The following ASXL2 variants were observed in gnomAD, a reference collection of about 807,000 sequenced individuals.
The protein encoded by ASXL2 is putative Polycomb group protein ASXL2.
Under a neutral mutation model 122.0 loss-of-function variants are expected in ASXL2, and 23 were observed. That is an observed-to-expected ratio of 0.19 (90% confidence interval 0.14 to 0.27). The LOEUF is 0.27. Among genes scored for constraint, ASXL2 ranks in the 10% least tolerant of loss-of-function variants. The pLI, the probability that ASXL2 is intolerant of heterozygous loss-of-function variation, is 1.00. For synonymous variants in ASXL2, 650 were observed against 637.0 expected (o/e 1.02, Z -0.31); for missense variants, 1,518 against 1,713.8 (o/e 0.89, Z 2.02).
intron 6 of ASXL2, among the ~76,000 whole-genome samples, chr2:25,770,299 C>T (rs1182492607): frequency 6.6e-6 from 1 of 152,050 alleles, no homozygotes; most frequent in African/African-American, 2.4e-5. Context: ...ATCTCCACGT[C>T]CTGGGTTCAA....
At chr2:25,849,064 C>CATATAGATAT (rs1553705441) in intron 1 of ASXL2, among the ~76,000 whole-genome samples, 2 of 86,502 alleles carry the variant, frequency 2.3e-5, no homozygotes, top group South Asian at 6.5e-4. Flanking sequence ...AAAAAATTTA[C>CATATAGATAT]ATATATATAT....
chr2:25,878,257 C>T lies in ASXL2; in HGVS notation c.-35G>A. 1 of 1,611,754 alleles carries T rather than the reference C, an allele frequency of 6.2e-7. No individual in the cohort carries two copies. Among genetic ancestry groups the T allele is most frequent in the Non-Finnish European group, 8.5e-7 (1 of 1,178,332 alleles). ...TGAACTGACTGGGAGGCTCCCGTGT[C>T]CGGGCTCCGGCCGCCCTCCCTGCCT... is the stretch of plus-strand genomic sequence containing the variant. On this transcript the variant is annotated 5_prime_UTR_variant, in exon 1 of 13. Coordinates refer to ENST00000435504, the MANE Select transcript of ASXL2 (RefSeq NM_018263.6).
At chr2:25,822,064 T>C (rs1018262793) in intron 3 of ASXL2, among the ~76,000 whole-genome samples, 3 of 152,208 alleles carry the variant, frequency 2.0e-5, no homozygotes, top group Admixed American at 1.3e-4. Flanking sequence ...TCAACATTAA[T>C]ACTAAAAATT....
chr2:25,844,575 C>T (rs78027443), intron 2 of ASXL2, among the ~76,000 whole-genome samples: 76 of 119,170 alleles, frequency 6.4e-4, no homozygotes, highest in Non-Finnish European at 9.1e-4. Context: ...GACTCCGTCT[C>T]AAAAAAAAAA....
intron 5 of ASXL2, among the ~76,000 whole-genome samples, chr2:25,779,769 A>G (rs1168056979): frequency 6.6e-6 from 1 of 152,166 alleles, no homozygotes; most frequent in Non-Finnish European, 1.5e-5. Context: ...CCTTAACTAT[A>G]TTACTCTATA....
chr2:25,830,974 A>G (rs12713680), intron 3 of ASXL2: 41,706 of 152,144 alleles, frequency 0.27, 6,025 homozygotes, highest in African/African-American at 0.31. Context: ...TTCAACATTC[A>G]TATCATCAGC....
At chr2:25,810,965 G>T (rs2089160060) in intron 3 of ASXL2, among the ~76,000 whole-genome samples, 1 of 151,902 alleles carries the variant, frequency 6.6e-6, no homozygotes, top group South Asian at 2.1e-4. Context: ...TGTGGCTCAT[G>T]CCTGTAATCC....
At position 25,786,245 on chromosome 2, in the gene ASXL2, T is replaced by TTTC. The variant is rs749802258; in HGVS notation, c.403+13139_403+13140insGAA. On this transcript the variant is annotated intron_variant, in intron 5 of 12. Transcript: ENST00000435504. The stretch of plus-strand genomic sequence containing the variant: ...ACAACCTACTACTCCACATCATTCT[T>TTTC]TTTTTTTTTTTTTTGAGATGGAGTC... 1.5e-3 allele frequency among the ~76,000 whole-genome samples: 75 copies of TTTC among 51,496 alleles called. 2 individuals are homozygous for TTTC. Among genetic ancestry groups the TTTC allele is most frequent in the Non-Finnish European group, 4.3e-3 (66 of 15,474 alleles). 33.8% of individuals were successfully genotyped at this position (51,496 alleles called of 152,430 possible).
intron 1 of ASXL2, among the ~76,000 whole-genome samples, chr2:25,845,904 A>G (rs894876746): frequency 3.9e-5 from 6 of 152,222 alleles, no homozygotes; most frequent in Non-Finnish European, 7.3e-5. Context: ...CATAGTAGGC[A>G]AAGTCCATTC....
intron 7 of ASXL2, 150 bp from the exon 8 acceptor site, chr2:25,767,876 G>C: frequency 2.2e-6 from 2 of 919,828 alleles, no homozygotes; most frequent in Non-Finnish European, 3.2e-6. Flanking sequence ...TAAAGTCAAA[G>C]AGTAAAATAA....
At chr2:25,833,196 G>A (rs1366542769) in intron 3 of ASXL2, among the ~76,000 whole-genome samples, 2 of 152,084 alleles carry the variant, frequency 1.3e-5, no homozygotes, top group African/African-American at 4.8e-5. Context: ...AAAACCAGGT[G>A]GATTATATCA....
chr2:25,764,988 G>T (rs1242670504), intron 8 of ASXL2, among the ~76,000 whole-genome samples: 1 of 152,044 alleles, frequency 6.6e-6, no homozygotes, highest in Non-Finnish European at 1.5e-5. Flanking sequence ...TTCAATTTAG[G>T]TTGACTTAAT....
At position 25,749,827 on chromosome 2, in the gene ASXL2, C is replaced by A. The variant is rs986611894; in HGVS notation, c.1729G>T (p.Ala577Ser). Reference protein sequence around the residue: ...KRKSSLTQEEAPVSWEKRPRV... With the variant: ...KRKSSLTQEESPVSWEKRPRV... ...GGCCTCTTCTCCCAGCTCACAGGGGCCTCTTCTTGGGTGAGGGAAGACTTC... is the reference window on the plus strand; with the variant it reads ...GGCCTCTTCTCCCAGCTCACAGGGGACTCTTCTTGGGTGAGGGAAGACTTC... Residue 577 changes from alanine to serine, a missense_variant, in exon 12 of 13, where the codon GCC becomes TCC. By Grantham distance (99) the Ala-to-Ser change is moderately conservative. Transcript: ENST00000435504. 3.7e-6 allele frequency: 6 copies of A among 1,610,364 alleles called. No homozygotes were observed. The highest frequency in any genetic ancestry group is 1.7e-4 in the Middle Eastern group (1 of 6,038).
chr2:25,872,773 T>A, intron 1 of ASXL2, among the ~76,000 whole-genome samples: 1 of 152,152 alleles, frequency 6.6e-6, no homozygotes, highest in East Asian at 1.9e-4. Context: ...AAATTGACCC[T>A]AGTAGAGAGA....
At chr2:25,769,579 T>C in intron 6 of ASXL2, among the ~76,000 whole-genome samples, 1 of 151,688 alleles carries the variant, frequency 6.6e-6, no homozygotes, top group Admixed American at 6.6e-5. Flanking sequence ...GATAATGCTA[T>C]TTAAAATGAA....
chr2:25,860,542 G>GT (rs2089830788), intron 1 of ASXL2, among the ~76,000 whole-genome samples: 1 of 150,112 alleles, frequency 6.7e-6, no homozygotes, highest in African/African-American at 2.5e-5. Context: ...GTGAAACCCC[G>GT]TACCTACTAA....
rs144717572 is a variant in ASXL2, at chr2:25,743,455, T to C, written c.2882A>G (p.Asp961Gly). 6.2e-7 allele frequency: 1 copy of C among 1,613,780 alleles called. No individual in the cohort carries two copies. The highest frequency in any genetic ancestry group is 2.2e-5 in the East Asian group (1 of 44,886). ...PLVTQLLQGKDVPMEQILPKP... is the reference protein window; with the variant it reads ...PLVTQLLQGKGVPMEQILPKP... ...AGGCAGAATTTGCTCCATGGGAACA[T>C]CTTTGCCTTGAAGCAGCTGAGTCAC... Residue 961 changes from aspartate (D) to glycine (G), a missense_variant, in exon 13 of 13, where the codon GAT becomes GGT. Asp to Gly is a moderately conservative substitution (Grantham distance 94). This residue lies in a region of ASXL2 where 831 missense variants were observed against 833.1 expected (regional missense o/e 1.00). Transcript: ENST00000435504.
In ASXL2 at chr2:25,840,703, ATCT is replaced by A. The variant is rs531747497; in HGVS notation, c.140+4775_140+4777del. On this transcript the variant is annotated intron_variant, in intron 2 of 12. Coordinates refer to ENST00000435504, the MANE Select transcript of ASXL2 (RefSeq NM_018263.6). Reference sequence around the variant, plus strand: ...ACTGTAGCATGTATCAGAATTTTATATCTTCTTAAGACTGAATAATATTCCATT... The same window carrying A: ...ACTGTAGCATGTATCAGAATTTTATATCTTAAGACTGAATAATATTCCATT... 1.6e-4 allele frequency among the ~76,000 whole-genome samples: 24 copies of A among 152,340 alleles called. 1 individual carries two copies. The South Asian group carries it at 5.0e-3, about 32-fold the overall frequency.
intron 4 of ASXL2, among the ~76,000 whole-genome samples, chr2:25,805,999 T>C (rs909056212): frequency 3.3e-5 from 5 of 152,214 alleles, no homozygotes; most frequent in African/African-American, 1.2e-4. Context: ...AATTTCGTTC[T>C]TTCTAGATAA....
Sources: allele counts gnomAD v4.1 joint callset (sites outside exome capture counted in the v4.1 genomes callset), GRCh38; gene constraint gnomAD v4.1.1; regional missense constraint gnomAD v4.1.1; transcripts MANE v1.5; gene names NCBI Gene and HGNC (gene_info 2026-07-23, HGNC 2026-07-21).